The following STPG2 variants were observed in gnomAD, a reference collection of about 807,000 sequenced individuals.
STPG2 encodes sperm-tail PG-rich repeat-containing protein 2.
A neutral mutation model predicts 54.2 loss-of-function variants in STPG2; 56 were observed. That is an observed-to-expected ratio of 1.03 (90% CI 0.83 to 1.29). The LOEUF is 1.29. STPG2 is among the 50% of genes most tolerant of loss of function. The pLI is 0.00. For missense variants in STPG2, 596 were observed against 544.9 expected, an observed-to-expected ratio of 1.09 and a Z score of -0.93; for synonymous variants, 200 against 181.8, an observed-to-expected ratio of 1.10 and a Z score of -0.81.
chr4:97,894,847 G>C (rs919321185), intron 8 of STPG2, among the ~76,000 whole-genome samples: 1 of 151,868 alleles, frequency 6.6e-6, no homozygotes, highest in Non-Finnish European at 1.5e-5. Flanking sequence ...CTGAGAGAAA[G>C]AGTAAGAAAT....
At chr4:97,972,258 T>C in intron 7 of STPG2, 22 bp downstream of exon 7, 1 of 1,479,920 alleles carries the variant, frequency 6.8e-7, no homozygotes, top group Non-Finnish European at 9.1e-7. Flanking sequence ...TAAAGAATAT[T>C]ATTTTTGTAT....
chr4:97,851,971 C>T (rs966925006), intron 8 of STPG2, among the ~76,000 whole-genome samples: 1 of 152,162 alleles, frequency 6.6e-6, no homozygotes, highest in Non-Finnish European at 1.5e-5. Flanking sequence ...CTCTAATTGA[C>T]ATAATATCCA....
At chr4:97,922,500 T>C (rs1293149216) in intron 8 of STPG2, among the ~76,000 whole-genome samples, 2 of 152,182 alleles carry the variant, frequency 1.3e-5, no homozygotes, top group Non-Finnish European at 1.5e-5. Flanking sequence ...GTACAAAAAA[T>C]GGTTGTATCT....
At chr4:98,079,960 C>G (rs1738291523) in intron 5 of STPG2, among the ~76,000 whole-genome samples, 1 of 152,030 alleles carries the variant, frequency 6.6e-6, no homozygotes, top group Non-Finnish European at 1.5e-5. Context: ...GGTCATTTTA[C>G]TTTCGGAAAT....
In STPG2 at chr4:97,713,772, C is replaced by T. The variant is rs1004656330; in HGVS notation, c.1205-958G>A. 4.6e-5 allele frequency among the ~76,000 whole-genome samples: 7 copies of T among 152,112 alleles called. No individual in the cohort carries two copies. In the South Asian group the frequency reaches 1.0e-3, roughly 23 times the overall value. ...AGGTATAGGTCCTTGGCCCAGGGTA[C>T]GGGACCTGTGGTCTAGTGAATGGAA... is the stretch of plus-strand genomic sequence containing the variant. On this transcript the variant is annotated intron_variant, in intron 9 of 10. Transcript: ENST00000295268.
downstream of STPG2, among the ~76,000 whole-genome samples, chr4:97,558,466 C>A (rs1232349392): frequency 6.6e-6 from 1 of 152,190 alleles, no homozygotes; most frequent in Admixed American, 6.6e-5. Context: ...AGCCTGACTT[C>A]ACTTATTCAA....
chr4:97,619,196 T>A (rs964091623), intron 10 of STPG2, among the ~76,000 whole-genome samples: 14 of 152,026 alleles, frequency 9.2e-5, no homozygotes, highest in Non-Finnish European at 1.5e-4. Flanking sequence ...TAGTGGTCAA[T>A]GGTTGGAATA....
At chr4:97,461,395 G>T (rs968226249) in intron 4 of STPG2, among the ~76,000 whole-genome samples, 2 of 152,192 alleles carry the variant, frequency 1.3e-5, no homozygotes, top group Non-Finnish European at 2.9e-5. Flanking sequence ...TTATTAGGAG[G>T]TGGTGACTTT....
intron 9 of STPG2, among the ~76,000 whole-genome samples, chr4:97,731,404 C>G (rs111387614): frequency 0.012 from 1,857 of 152,214 alleles, 33 homozygotes; most frequent in African/African-American, 0.043. Context: ...TAAGGGCCAA[C>G]AGACAGATTT....
chr4:98,088,036 A>T (rs187182821), intron 5 of STPG2, among the ~76,000 whole-genome samples: 181 of 152,276 alleles, frequency 1.2e-3, no homozygotes, highest in African/African-American at 4.2e-3. Context: ...GTTGAATCTC[A>T]AAGAATGAGC....
chr4:98,138,047 A>C (rs1006992036), intron 1 of STPG2, among the ~76,000 whole-genome samples: 3 of 152,052 alleles, frequency 2.0e-5, no homozygotes, highest in Non-Finnish European at 4.4e-5. Flanking sequence ...ACCAATTAAC[A>C]AATGATATTC....
At chr4:97,734,790 C>T (rs1036187892) in intron 9 of STPG2, among the ~76,000 whole-genome samples, 4 of 151,968 alleles carry the variant, frequency 2.6e-5, no homozygotes, top group East Asian at 1.9e-4. Flanking sequence ...AGTTTCTGCA[C>T]GGCCGGGGGC....
chr4:98,057,551 T>C (rs1737519640), intron 5 of STPG2, among the ~76,000 whole-genome samples: 1 of 152,062 alleles, frequency 6.6e-6, no homozygotes, highest in Non-Finnish European at 1.5e-5. Flanking sequence ...CTGGGAAATA[T>C]GGGATATTGT....
chr4:97,621,485 A>T (rs1247298349), intron 10 of STPG2, among the ~76,000 whole-genome samples: 1 of 152,184 alleles, frequency 6.6e-6, no homozygotes, highest in African/African-American at 2.4e-5. Context: ...GAACGCTGAG[A>T]CATTACTATT....
At chr4:97,616,061 T>TAA (rs1560686867) in intron 10 of STPG2, among the ~76,000 whole-genome samples, 10 of 49,132 alleles carry the variant, frequency 2.0e-4, no homozygotes, top group Non-Finnish European at 3.1e-4. Flanking sequence ...CATATAAATA[T>TAA]ATATATATAT....
intron 7 of STPG2, among the ~76,000 whole-genome samples, chr4:97,968,934 C>T (rs773530216): frequency 1.3e-5 from 2 of 152,156 alleles, no homozygotes; most frequent in Non-Finnish European, 2.9e-5. Context: ...AGGGAGGTTT[C>T]ACATCACCAA....
intron 7 of STPG2, among the ~76,000 whole-genome samples, chr4:97,947,244 T>C (rs982477050): frequency 3.9e-5 from 6 of 152,164 alleles, no homozygotes; most frequent in Non-Finnish European, 5.9e-5. Flanking sequence ...ACCTGAGACA[T>C]TACTGAATTT....
chr4:97,753,277 C>G (rs1725633798), intron 9 of STPG2, among the ~76,000 whole-genome samples: 1 of 151,950 alleles, frequency 6.6e-6, no homozygotes, highest in Non-Finnish European at 1.5e-5. Context: ...ATTTTGCTTT[C>G]TGACTCTATG....
chr4:97,896,500 C>A (rs1730957904), intron 8 of STPG2, among the ~76,000 whole-genome samples: 1 of 151,528 alleles, frequency 6.6e-6, no homozygotes, highest in Non-Finnish European at 1.5e-5. Context: ...GTAAGGATGA[C>A]AGAAAATTTA....
Sources: allele counts gnomAD v4.1 joint callset (sites outside exome capture counted in the v4.1 genomes callset), GRCh38; gene constraint gnomAD v4.1.1; transcripts MANE v1.5; gene names NCBI Gene and HGNC (gene_info 2026-07-23, HGNC 2026-07-21).